BACH2: variants seen among roughly 807,000 people sequenced by gnomAD.
BACH2 encodes transcription regulator protein BACH2.
In BACH2, 5 loss-of-function variants were observed where a neutral mutation model predicts 61.8. The ratio of observed to expected loss-of-function variants is 0.08; its 90% CI spans 0.04 to 0.17. The LOEUF (loss-of-function observed/expected upper bound fraction) is 0.17. Ranked by LOEUF, BACH2 falls within the 10% of genes least tolerant of loss-of-function variation. The pLI is 1.00. For synonymous variants in BACH2, 446 were observed against 440.1 expected (o/e 1.01, Z -0.17); for missense variants, 824 against 1,091.1 (o/e 0.76, Z 3.45).
chr6:90,044,463 C>T lies in BACH2; in HGVS notation c.-12-35607G>A, dbSNP rs146125054. ...GTCAGGAAGTGAAGGGCATGCAGTT[C>T]GAGGTAGGAGTTTGGGTTTTACTCT... On this transcript the variant is annotated intron_variant, in intron 5 of 8. Transcript: ENST00000257749. 3.0e-3 allele frequency among the ~76,000 whole-genome samples: 462 copies of T among 152,216 alleles called. 7 individuals are homozygous for T. Among genetic ancestry groups the T allele is most frequent in the East Asian group, 2.9e-3 (15 of 5,182 alleles).
intron 4 of BACH2, among the ~76,000 whole-genome samples, chr6:90,189,907 C>A (rs1315145278): frequency 6.6e-6 from 1 of 152,098 alleles, no homozygotes; most frequent in African/African-American, 2.4e-5. Context: ...CCCTCTGAAG[C>A]CTCTGCTTCT....
intron 4 of BACH2, among the ~76,000 whole-genome samples, chr6:90,135,853 G>A (rs964650142): frequency 2.6e-5 from 4 of 152,132 alleles, no homozygotes; most frequent in Non-Finnish European, 5.9e-5. Context: ...CATGGCTGGC[G>A]GAATGTGGAT....
chr6:90,119,893 G>A (rs1318403008), intron 4 of BACH2, among the ~76,000 whole-genome samples: 2 of 152,154 alleles, frequency 1.3e-5, no homozygotes, highest in African/African-American at 2.4e-5. Context: ...GGTTTGTGTT[G>A]TCACAATCTG....
At chr6:90,275,671 T>G (rs1478157123) in intron 1 of BACH2, among the ~76,000 whole-genome samples, 1 of 152,008 alleles carries the variant, frequency 6.6e-6, no homozygotes, top group African/African-American at 2.4e-5. Context: ...CACTCTCCAG[T>G]AGGCCCCAGT....
intron 6 of BACH2, among the ~76,000 whole-genome samples, chr6:89,971,316 A>G (rs1282281250): frequency 6.6e-6 from 1 of 152,222 alleles, no homozygotes; most frequent in Non-Finnish European, 1.5e-5. Flanking sequence ...ACAGGAATTC[A>G]CAATATGGGA....
At chr6:90,203,610 AT>A (rs1328733260) in intron 4 of BACH2, among the ~76,000 whole-genome samples, 3 of 152,090 alleles carry the variant, frequency 2.0e-5, no homozygotes, top group African/African-American at 7.2e-5. Context: ...GGTTGTCAGA[AT>A]TTACAACCAT....
chr6:89,950,596 T>C lies in BACH2; in HGVS notation c.1510A>G (p.Ile504Val), dbSNP rs757596747. The C allele has an allele frequency of 5.0e-6, 8 of 1,612,490 alleles. No homozygotes were observed. Among genetic ancestry groups the C allele is most frequent in the Non-Finnish European group, 5.9e-6 (7 of 1,178,982 alleles). Residue 504 changes from isoleucine (I) to valine (V), a missense_variant, in exon 7 of 9, where the codon ATC (isoleucine) becomes GTC (valine). Transcript: ENST00000257749. This position sits in a 1 kb window ranked among gnomAD's most constrained non-coding sequence, Gnocchi z 5.3. ...MRPNTSCPVP[I>V]KVCPRSPPLE... ...GGGGGTGAGCGAGGGCAGACTTTGA[T>C]TGGTACCGGGCAGCTGGTGTTGGGC...
At chr6:90,132,048 G>C (rs924420137) in intron 4 of BACH2, among the ~76,000 whole-genome samples, 2 of 152,156 alleles carry the variant, frequency 1.3e-5, no homozygotes, top group African/African-American at 4.8e-5. Flanking sequence ...AGAAGCCACT[G>C]CTGGCTAATA....
At chr6:90,131,283 T>C (rs1164685316) in intron 4 of BACH2, among the ~76,000 whole-genome samples, 2 of 152,244 alleles carry the variant, frequency 1.3e-5, no homozygotes, top group Non-Finnish European at 2.9e-5. Context: ...TCAAGTCCTG[T>C]GTCAGCTGCT....
At chr6:90,181,494 G>A (rs995886010) in intron 4 of BACH2, among the ~76,000 whole-genome samples, 2 of 151,956 alleles carry the variant, frequency 1.3e-5, no homozygotes, top group African/African-American at 2.4e-5. Flanking sequence ...ACCAAAAAGT[G>A]TATATGCTAT....
chr6:90,262,462 G>A (rs1427953010), intron 2 of BACH2, among the ~76,000 whole-genome samples: 4 of 152,114 alleles, frequency 2.6e-5, no homozygotes, highest in East Asian at 1.9e-4. Context: ...GGTACCATGC[G>A]TGCACATGAT....
chr6:90,241,084 G>A (rs529013583), intron 3 of BACH2, among the ~76,000 whole-genome samples: 122 of 146,926 alleles, frequency 8.3e-4, no homozygotes, highest in African/African-American at 2.6e-3. Flanking sequence ...GCAGTGAGCC[G>A]AGATCGCCCC....
At chr6:90,250,144 T>C (rs1053759870) in intron 3 of BACH2, among the ~76,000 whole-genome samples, 2 of 152,216 alleles carry the variant, frequency 1.3e-5, no homozygotes. Context: ...AGATGATTCA[T>C]ATATGCCTTA....
intron 8 of BACH2, among the ~76,000 whole-genome samples, chr6:89,933,133 C>G (rs184805268): frequency 1.1e-4 from 17 of 152,216 alleles, no homozygotes; most frequent in Admixed American, 1.0e-3. Flanking sequence ...CTCCAAGGCC[C>G]GGGCAAACAA....
chr6:90,166,856 T>C (rs982143872), intron 4 of BACH2, among the ~76,000 whole-genome samples: 3 of 127,978 alleles, frequency 2.3e-5, no homozygotes, highest in African/African-American at 9.1e-5. Context: ...AACTGAACAA[T>C]GAGAACACAT....
At chr6:90,244,363 C>T (rs1177007585) in intron 3 of BACH2, among the ~76,000 whole-genome samples, 1 of 152,188 alleles carries the variant, frequency 6.6e-6, no homozygotes, top group African/African-American at 2.4e-5. Context: ...ATCAAAATAA[C>T]CCCTTGAGGT....
At position 89,997,897 on chromosome 6, in the gene BACH2, C is replaced by T. The variant is rs546005964; in HGVS notation, c.243+10705G>A. Among the ~76,000 whole-genome samples, 23 of 152,220 alleles carry T rather than the reference C, an allele frequency of 1.5e-4. No homozygotes were observed. In the South Asian group the frequency reaches 4.6e-3, roughly 30 times the overall value. ...TTAATGCCACCTCCAGGAATGATGT[C>T]ATCTATGTAACACTTTTGGGAAGAA... On this transcript the variant is annotated intron_variant, in intron 6 of 8. Transcript: ENST00000257749.
chr6:90,030,073 C>T (rs1359496819), intron 5 of BACH2, among the ~76,000 whole-genome samples: 1 of 152,206 alleles, frequency 6.6e-6, no homozygotes, highest in Non-Finnish European at 1.5e-5. Flanking sequence ...TGGCTCTATA[C>T]AATGTGGATC....
At chr6:90,229,399 G>A (rs557999211) in intron 3 of BACH2, among the ~76,000 whole-genome samples, 81 of 152,178 alleles carry the variant, frequency 5.3e-4, no homozygotes, top group African/African-American at 1.9e-3. Context: ...GGCGGAGGTT[G>A]CGGCGAGCAG....
Sources: gnomAD v4.1 joint callset for allele counts (sites outside exome capture counted in the v4.1 genomes callset) on GRCh38, gnomAD v4.1.1 for gene constraint, Gnocchi (gnomAD v3.1) non-coding constraint, MANE v1.5 for transcripts, NCBI Gene and HGNC (gene_info 2026-07-23, HGNC 2026-07-21) for gene names.